PLA2G6: variants seen among roughly 807,000 people sequenced by gnomAD.
PLA2G6 encodes 85/88 kDa calcium-independent phospholipase A2.
In PLA2G6, 62 loss-of-function variants were observed where a neutral mutation model predicts 83.8. The ratio of observed to expected loss-of-function variants is 0.74; its 90% CI spans 0.60 to 0.91. The LOEUF (loss-of-function observed/expected upper bound fraction) is 0.91, where lower values mean the gene tolerates loss of function less well. Among genes scored for constraint, PLA2G6 ranks in the 40% least tolerant of loss-of-function variants. The pLI is 0.00. For missense variants in PLA2G6, 944 were observed against 1,102.0 expected (o/e 0.86, Z 2.03); for synonymous variants, 417 against 449.8 (o/e 0.93, Z 0.92).
intron 10 of PLA2G6, among the ~76,000 whole-genome samples, chr22:38,124,328 G>A (rs1179130969): frequency 4.6e-5 from 7 of 152,102 alleles, no homozygotes; most frequent in Non-Finnish European, 7.4e-5. Flanking sequence ...AGGGAGTGTA[G>A]CTCAGAGGTT....
intron 12 of PLA2G6, among the ~76,000 whole-genome samples, chr22:38,118,753 GT>G (rs10709435): frequency 0.31 from 42,225 of 138,402 alleles, 5,613 homozygotes; most frequent in South Asian, 0.41. Context: ...GTTTGTTTTT[GT>G]TTTTTTTTTT....
At chr22:38,122,242 A>G (rs1282366094) in intron 11 of PLA2G6, among the ~76,000 whole-genome samples, 1 of 152,070 alleles carries the variant, frequency 6.6e-6, no homozygotes, top group Non-Finnish European at 1.5e-5. Flanking sequence ...AAGACTTTGC[A>G]TGACCAGGAT....
chr22:38,126,955 A>G, intron 9 of PLA2G6: 3 of 1,017,992 alleles, frequency 2.9e-6, no homozygotes, highest in Non-Finnish European at 3.6e-6. Flanking sequence ...GGATGAAAGG[A>G]GACATCCCTC....
At chr22:38,164,499 G>C (rs1416529617) in intron 2 of PLA2G6, among the ~76,000 whole-genome samples, 1 of 152,214 alleles carries the variant, frequency 6.6e-6, no homozygotes, top group Non-Finnish European at 1.5e-5. Flanking sequence ...TGCAGGACCT[G>C]CTGGGAAACT....
Position 38,123,295 on chromosome 22 carries a change from T to C in PLA2G6, c.1428-37A>G, listed in dbSNP as rs1217553990. Reference sequence around the variant, plus strand: ...ACAGCAGTGGGAGAGAGGAGGGTCCTGCCACAGCCCAGTACTTTACATCCA... The same window carrying C: ...ACAGCAGTGGGAGAGAGGAGGGTCCCGCCACAGCCCAGTACTTTACATCCA... On this transcript the variant is annotated intron_variant, in intron 10 of 16. Transcript: ENST00000332509. This position sits in a 1 kb window ranked among gnomAD's most constrained non-coding sequence, Gnocchi z 4.1. 4 of 1,548,562 alleles carry C rather than the reference T, an allele frequency of 2.6e-6. No homozygotes were observed. Among genetic ancestry groups the C allele is most frequent in the Non-Finnish European group, 3.5e-6 (4 of 1,144,886 alleles).
chr22:38,116,631 G>T (rs1226996982), intron 12 of PLA2G6, among the ~76,000 whole-genome samples: 1 of 152,032 alleles, frequency 6.6e-6, no homozygotes, highest in Admixed American at 6.6e-5. Flanking sequence ...GAGGCAGGTG[G>T]ATCACCTGAG....
intron 12 of PLA2G6, among the ~76,000 whole-genome samples, chr22:38,120,463 G>GGGCAGGGCAGAGCCA (rs1415716580): frequency 4.0e-5 from 6 of 149,850 alleles, no homozygotes; most frequent in East Asian, 1.9e-4. Flanking sequence ...ACCCCTGGCC[G>GGGCAGGGCAGAGCCA]GGCAGGGCAG....
chr22:38,112,205 G>C lies in PLA2G6; in HGVS notation c.2377C>G (p.Arg793Gly), dbSNP rs766818779. 1 of 1,607,718 alleles carries C rather than the reference G, an allele frequency of 6.2e-7. No individual in the cohort carries two copies. The highest frequency in any genetic ancestry group is 1.7e-5 in the Admixed American group (1 of 59,108). Reference sequence around the variant, plus strand: ...TGGATGAGCTTCTGGAACTCCTCGCGGTGCTCATAGATGTAGACCTCGGTC... The same window carrying C: ...TGGATGAGCTTCTGGAACTCCTCGCCGTGCTCATAGATGTAGACCTCGGTC... Reference protein sequence around the residue: ...WETEVYIYEHREEFQKLIQLL... With the variant: ...WETEVYIYEHGEEFQKLIQLL... Residue 793 changes from arginine (R) to glycine (G), a missense_variant, in exon 17 of 17, where the codon CGC (arginine) becomes GGC (glycine). Coordinates refer to ENST00000332509, the MANE Select transcript of PLA2G6 (RefSeq NM_003560.4).
Position 38,139,767 on chromosome 22 carries a change from T to G in PLA2G6, c.797+215A>C, listed in dbSNP as rs2088783613. On this transcript the variant is annotated intron_variant, in intron 5 of 16. Transcript: ENST00000332509. ...TTTTAAAGTCTCCTCCTTGCACAGC[T>G]GAACTTGTGAACCGAGATTCCTACC... is the stretch of plus-strand genomic sequence containing the variant. 6.9e-6 allele frequency: 4 copies of G among 578,272 alleles called. No individual in the cohort carries two copies. In the Admixed American group the frequency reaches 1.2e-4, roughly 17 times the overall value. 35.8% of individuals were successfully genotyped at this position (578,272 alleles called of 1,614,324 possible). A position where few individuals can be genotyped will look rare whatever the true frequency, so the allele number is the denominator to read the frequency against.
rs587784339 is a variant in PLA2G6 at position 38,115,658 on chromosome 22, G to A, written c.1903C>T (p.Arg635Ter). Residue 635 changes from arginine to a stop codon, truncating the protein, a stop_gained, in exon 14 of 17, where the codon CGA becomes TGA. Coordinates refer to ENST00000332509, the MANE Select transcript of PLA2G6 (RefSeq NM_003560.4). LOFTEE classifies it high-confidence loss of function. The stretch of plus-strand genomic sequence containing the variant: ...TAAGTAGGAGCTGCCCCGCTGCTTC[G>A]GGCCGCCCGCCACACCAGCTGGTCT... Reference protein sequence around the residue: ...PSDQLVWRAARSSGAAPTYFR... With the variant: ...PSDQLVWRAA 46 of 1,544,374 alleles carry A rather than the reference G, an allele frequency of 3.0e-5. No individual in the cohort carries two copies. Among genetic ancestry groups the A allele is most frequent in the Admixed American group, 3.9e-5 (2 of 51,702 alleles).
intron 2 of PLA2G6, among the ~76,000 whole-genome samples, chr22:38,165,239 C>T (rs2145913320): frequency 6.6e-6 from 1 of 152,342 alleles, no homozygotes; most frequent in South Asian, 2.1e-4. Context: ...ATTTGTTCCA[C>T]AAACCTGATC....
At chr22:38,164,820 G>C (rs150114304) in intron 2 of PLA2G6, among the ~76,000 whole-genome samples, 1 of 152,322 alleles carries the variant, frequency 6.6e-6, no homozygotes, top group African/African-American at 2.4e-5. Flanking sequence ...TTAGAAGGCA[G>C]AAACTCAGCC....
intron 2 of PLA2G6, chr22:38,148,517 C>G: frequency 1.4e-6 from 1 of 717,126 alleles, no homozygotes; most frequent in Non-Finnish European, 2.6e-6. Context: ...TGATGGAAAC[C>G]CAGGAATTGC....
At position 38,135,070 on chromosome 22, in the gene PLA2G6, A is replaced by G. The variant is rs1602142894; in HGVS notation, c.812T>C (p.Ile271Thr). ...KFSQKGCAEM[I>T]ISMDSSQIHS... Reference sequence around the variant, plus strand: ...GATCTGGCTGCTGTCCATGCTGATGATCATCTCCGCACACCTGGTGAGAGA... The same window carrying G: ...GATCTGGCTGCTGTCCATGCTGATGGTCATCTCCGCACACCTGGTGAGAGA... Residue 271 changes from isoleucine to threonine, a missense_variant, in exon 6 of 17, where the codon ATC becomes ACC. Ile to Thr is a moderately conservative substitution (Grantham distance 89, BLOSUM62 -1). Transcript: ENST00000332509. The G allele has an allele frequency of 6.2e-7, 1 of 1,609,360 alleles. No individual in the cohort carries two copies. The highest frequency in any genetic ancestry group is 1.7e-5 in the Admixed American group (1 of 59,842).
At chr22:38,124,920 AG>A (rs368919971) in intron 10 of PLA2G6, among the ~76,000 whole-genome samples, 15 of 152,304 alleles carry the variant, frequency 9.8e-5, no homozygotes, top group African/African-American at 3.6e-4. Flanking sequence ...ATCAACCCAG[AG>A]GGCGCAGGGC....
chr22:38,113,521 C>T lies in PLA2G6; in HGVS notation c.2168G>A (p.Gly723Glu). Reference protein sequence around the residue: ...NPWELAKTVFGAKELGKMVVD... With the variant: ...NPWELAKTVFEAKELGKMVVD... ...CACCATCTTGCCCAGTTCCTTGGCC[C>T]CAAAAACAGTCTTGGCCAGCTCCCA... Residue 723 changes from glycine (G) to glutamate (E), a missense_variant, in exon 15 of 17, where the codon GGG becomes GAG. Coordinates refer to ENST00000332509, the MANE Select transcript of PLA2G6 (RefSeq NM_003560.4). 6.2e-7 allele frequency: 1 copy of T among 1,614,008 alleles called. No individual in the cohort carries two copies. The highest frequency in any genetic ancestry group is 1.3e-5 in the African/African-American group (1 of 75,030).
intron 2 of PLA2G6, among the ~76,000 whole-genome samples, chr22:38,157,919 C>A (rs1272813813): frequency 6.6e-6 from 1 of 151,666 alleles, no homozygotes; most frequent in Non-Finnish European, 1.5e-5. Flanking sequence ...GCCTGTAATT[C>A]CAGCTACTTG....
chr22:38,124,082 G>A (rs1008268399), intron 10 of PLA2G6, among the ~76,000 whole-genome samples: 1 of 152,120 alleles, frequency 6.6e-6, no homozygotes, highest in Admixed American at 6.5e-5. Flanking sequence ...TGATCCGCCT[G>A]TCTCGGCCTC....
chr22:38,129,363 T>G (rs2088065201), intron 8 of PLA2G6, 91 bp downstream of exon 8: 1 of 899,428 alleles, frequency 1.1e-6, no homozygotes, highest in Non-Finnish European at 1.9e-6. Context: ...CACAGGATGC[T>G]GGCACCTGAT....
Sources: gnomAD v4.1 joint callset for allele counts (sites outside exome capture counted in the v4.1 genomes callset) on GRCh38, gnomAD v4.1.1 for gene constraint, Gnocchi (gnomAD v3.1) non-coding constraint, MANE v1.5 for transcripts, NCBI Gene and HGNC (gene_info 2026-07-23, HGNC 2026-07-21) for gene names.